Variants in RBMS3 observed in about 807,000 individuals in gnomAD.
RBMS3 encodes RNA binding motif single stranded interacting protein 3.
A neutral mutation model predicts 66.8 loss-of-function variants in RBMS3; 27 were observed. That is an observed-to-expected ratio of 0.40 (90% confidence interval 0.30 to 0.56). The LOEUF (loss-of-function observed/expected upper bound fraction) is 0.56, where lower values mean the gene tolerates loss of function less well. Among genes scored for constraint, RBMS3 ranks in the 20% least tolerant of loss-of-function variants. The pLI is 0.40. For missense variants in RBMS3, 513 were observed against 549.5 expected (o/e 0.93, Z 0.66); for synonymous variants, 188 against 183.0 (o/e 1.03, Z -0.22).
chr3:29,919,001 C>G (rs1372748756), intron 10 of RBMS3, among the ~76,000 whole-genome samples: 1 of 151,630 alleles, frequency 6.6e-6, no homozygotes, highest in Non-Finnish European at 1.5e-5. Context: ...TATCTTTTTT[C>G]TTTTTATATA....
intron 1 of RBMS3, among the ~76,000 whole-genome samples, chr3:29,349,941 C>A (rs1254555322): frequency 6.6e-6 from 1 of 152,058 alleles, no homozygotes; most frequent in Non-Finnish European, 1.5e-5. Flanking sequence ...GGGCAGATCA[C>A]CTGAGGTTGG....
chr3:29,969,253 A>G (rs1293234432), intron 12 of RBMS3, among the ~76,000 whole-genome samples: 1 of 152,212 alleles, frequency 6.6e-6, no homozygotes, highest in Non-Finnish European at 1.5e-5. Flanking sequence ...ACCAGAGTTG[A>G]CAATGTTGTG....
At chr3:29,991,882 A>G (rs1424903659) in intron 14 of RBMS3, among the ~76,000 whole-genome samples, 2 of 152,154 alleles carry the variant, frequency 1.3e-5, no homozygotes, top group Non-Finnish European at 2.9e-5. Flanking sequence ...ATATGAAGCA[A>G]TATAAAATAT....
rs148691028 is a variant in RBMS3 at position 29,516,667 on chromosome 3, G to A, written c.307+28168G>A. The stretch of plus-strand genomic sequence containing the variant: ...TCCTGGCCCCAAGCTATCCTACCAC[G>A]TCAGCCTCCTAAAGTGTTGGGATTA... On this transcript the variant is annotated intron_variant, in intron 3 of 14. Coordinates refer to ENST00000383767, the MANE Select transcript of RBMS3 (RefSeq NM_001003793.3). 6.8e-4 allele frequency among the ~76,000 whole-genome samples: 104 copies of A among 152,100 alleles called. 1 individual carries two copies. Among genetic ancestry groups the A allele is most frequent in the African/African-American group, 2.3e-3 (95 of 41,488 alleles).
chr3:29,674,680 A>C (rs1482087871), intron 4 of RBMS3, among the ~76,000 whole-genome samples: 1 of 151,004 alleles, frequency 6.6e-6, no homozygotes, highest in African/African-American at 2.4e-5. Flanking sequence ...ATACATAGGA[A>C]TCCAACTTAC....
chr3:29,411,106 G>A (rs2040249018), intron 1 of RBMS3, among the ~76,000 whole-genome samples: 2 of 152,050 alleles, frequency 1.3e-5, no homozygotes, highest in Admixed American at 1.3e-4. Context: ...AGTTAGAAGT[G>A]GCAACAACAT....
chr3:29,977,359 T>G (rs1270764148), intron 12 of RBMS3, among the ~76,000 whole-genome samples: 2 of 152,110 alleles, frequency 1.3e-5, no homozygotes, highest in Non-Finnish European at 2.9e-5. Context: ...ATAAAATATG[T>G]TTGTTTTGTT....
intron 3 of RBMS3, among the ~76,000 whole-genome samples, chr3:29,573,527 T>C (rs1317160846): frequency 6.6e-6 from 1 of 152,180 alleles, no homozygotes; most frequent in Non-Finnish European, 1.5e-5. Context: ...AAGCAAATGT[T>C]TCATCTATCT....
intron 6 of RBMS3, among the ~76,000 whole-genome samples, chr3:29,771,243 A>T (rs2056186105): frequency 6.6e-6 from 1 of 152,024 alleles, no homozygotes; most frequent in Non-Finnish European, 1.5e-5. Flanking sequence ...TTCATAGGAA[A>T]TTGGCATGCT....
At chr3:29,727,529 C>T (rs1464660599) in intron 4 of RBMS3, among the ~76,000 whole-genome samples, 1 of 151,956 alleles carries the variant, frequency 6.6e-6, no homozygotes, top group African/African-American at 2.4e-5. Context: ...AAAAACAACC[C>T]TATCAAAAAG....
intron 1 of RBMS3, among the ~76,000 whole-genome samples, chr3:29,298,932 G>A (rs748442575): frequency 1.3e-5 from 2 of 151,852 alleles, no homozygotes; most frequent in Non-Finnish European, 2.9e-5. Flanking sequence ...CTTGGGGGTG[G>A]TTTGGACAAG....
At chr3:29,950,363 A>C (rs1204152001) in intron 12 of RBMS3, among the ~76,000 whole-genome samples, 1 of 151,890 alleles carries the variant, frequency 6.6e-6, no homozygotes, top group Non-Finnish European at 1.5e-5. Flanking sequence ...CATCTACAAA[A>C]GGGCAGAGCC....
intron 3 of RBMS3, among the ~76,000 whole-genome samples, chr3:29,497,751 C>A (rs188948336): frequency 1.3e-5 from 2 of 151,982 alleles, no homozygotes; most frequent in Non-Finnish European, 2.9e-5. Flanking sequence ...TCCCTGGGAC[C>A]CAGGTAGTTA....
intron 1 of RBMS3, among the ~76,000 whole-genome samples, chr3:29,352,617 T>C (rs981630026): frequency 3.3e-5 from 5 of 152,058 alleles, no homozygotes; most frequent in Non-Finnish European, 4.4e-5. Context: ...TCTAGCTAGG[T>C]TGAAATATAC....
intron 1 of RBMS3, among the ~76,000 whole-genome samples, chr3:29,346,072 G>A (rs562835732): frequency 4.6e-5 from 7 of 152,310 alleles, no homozygotes; most frequent in African/African-American, 1.7e-4. Flanking sequence ...GGCTGACTGG[G>A]CATAGGCGTG....
At chr3:29,287,979 C>A (rs2032502207) in intron 1 of RBMS3, among the ~76,000 whole-genome samples, 1 of 151,440 alleles carries the variant, frequency 6.6e-6, no homozygotes, top group South Asian at 2.1e-4. Flanking sequence ...TTTGTTTTAT[C>A]CATGTAGGTT....
At chr3:29,800,320 G>A (rs567779545) in intron 6 of RBMS3, among the ~76,000 whole-genome samples, 3 of 152,158 alleles carry the variant, frequency 2.0e-5, no homozygotes, top group African/African-American at 4.8e-5. Flanking sequence ...GAGACAAAGG[G>A]AGGGATGAGA....
rs147299754 is a variant in RBMS3 at position 29,886,774 on chromosome 3, C to G, written c.791+2566C>G. 7.4e-3 allele frequency among the ~76,000 whole-genome samples: 1,115 copies of G among 151,488 alleles called. 5 individuals are homozygous for G. The highest frequency in any genetic ancestry group is 0.012 in the Non-Finnish European group (809 of 67,796). On this transcript the variant is annotated intron_variant, in intron 8 of 14. Transcript: ENST00000383767. ...GACTATATTGGAGCAGGAAAATCCT[C>G]TTAGTAGGAAGCATCATTAAGAGGA... is the stretch of plus-strand genomic sequence containing the variant.
At chr3:29,357,616 A>G (rs1183254708) in intron 1 of RBMS3, among the ~76,000 whole-genome samples, 2 of 152,198 alleles carry the variant, frequency 1.3e-5, no homozygotes, top group East Asian at 1.9e-4. Flanking sequence ...TCCCTGAGGA[A>G]TTGCCACACT....
Sources: allele counts gnomAD v4.1 joint callset (sites outside exome capture counted in the v4.1 genomes callset), GRCh38; gene constraint gnomAD v4.1.1; transcripts MANE v1.5; gene names NCBI Gene and HGNC (gene_info 2026-07-23, HGNC 2026-07-21).